The following CEP63 variants were observed in gnomAD, a reference collection of about 807,000 sequenced individuals.
CEP63 encodes centrosomal protein of 63 kDa.
Under a neutral mutation model 89.1 loss-of-function variants are expected in CEP63, and 84 were observed. The observed-to-expected ratio is 0.94, with a 90% CI of 0.79 to 1.13. The LOEUF is 1.13. CEP63 is among the 50% of genes most tolerant of loss of function. CEP63 has a pLI of 0.00. For synonymous variants in CEP63, 267 were observed against 272.5 expected (o/e 0.98, Z 0.20); for missense variants, 838 against 813.3 (o/e 1.03, Z -0.37).
intron 3 of CEP63, among the ~76,000 whole-genome samples, chr3:134,512,763 A>G (rs921451763): frequency 1.8e-4 from 27 of 152,202 alleles, no homozygotes; most frequent in African/African-American, 4.3e-4. Flanking sequence ...CTTACATACA[A>G]TTATCATCCC....
downstream of CEP63, among the ~76,000 whole-genome samples, chr3:134,592,239 GC>G (rs1958611824): frequency 6.6e-6 from 1 of 152,194 alleles, no homozygotes. Flanking sequence ...AGCTGGCTTT[GC>G]TGAGAGCAAG....
At chr3:134,549,011 T>C in intron 9 of CEP63, 51 bp from the exon 10 acceptor site, 2 of 1,083,716 alleles carry the variant, frequency 1.8e-6, no homozygotes, top group South Asian at 1.3e-5. Context: ...GTCCAATTTA[T>C]AGGTTTCAGG....
chr3:134,730,301 A>G, the CEP63 span, among the ~76,000 whole-genome samples: 4 of 152,202 alleles, frequency 2.6e-5, no homozygotes, highest in Non-Finnish European at 5.9e-5. Flanking sequence ...CTATTTGCTC[A>G]TCATAGGTAA....
chr3:134,734,014 G>T, the CEP63 span, among the ~76,000 whole-genome samples: 1 of 152,116 alleles, frequency 6.6e-6, no homozygotes, highest in South Asian at 2.1e-4. Context: ...TGTCCTTGAG[G>T]TATTAGCCAA....
chr3:134,686,001 A>G, the CEP63 span, among the ~76,000 whole-genome samples: 1 of 152,238 alleles, frequency 6.6e-6, no homozygotes, highest in Non-Finnish European at 1.5e-5. Context: ...ACTTGCTCCA[A>G]GTCAATCAGC....
the CEP63 span, among the ~76,000 whole-genome samples, chr3:134,605,591 G>A: frequency 3.3e-5 from 5 of 152,176 alleles, no homozygotes; most frequent in South Asian, 6.2e-4. Flanking sequence ...TACCTTCTTC[G>A]TGGCTGTCCC....
At chr3:134,684,759 T>C in the CEP63 span, among the ~76,000 whole-genome samples, 7 of 152,326 alleles carry the variant, frequency 4.6e-5, no homozygotes, top group Non-Finnish European at 8.8e-5. Flanking sequence ...ACCTTTGGGT[T>C]TGTATTTGGC....
the CEP63 span, among the ~76,000 whole-genome samples, chr3:134,738,982 C>G: frequency 6.8e-6 from 1 of 147,330 alleles, no homozygotes; most frequent in Non-Finnish European, 1.5e-5. Context: ...AAAAAAAAAC[C>G]CAGATAACAA....
At chr3:134,694,881 G>C in the CEP63 span, among the ~76,000 whole-genome samples, 1 of 152,346 alleles carries the variant, frequency 6.6e-6, no homozygotes, top group South Asian at 2.1e-4. Context: ...AGCGTTTGCT[G>C]TGTGGGTGTG....
the CEP63 span, among the ~76,000 whole-genome samples, chr3:134,622,296 A>G: frequency 2.0e-5 from 3 of 152,256 alleles, no homozygotes; most frequent in South Asian, 2.1e-4. Context: ...ACAATAGCCA[A>G]AAGGTTAAAA....
At chr3:134,506,613 A>G (rs1235867146) in intron 2 of CEP63, among the ~76,000 whole-genome samples, 5 of 152,220 alleles carry the variant, frequency 3.3e-5, no homozygotes, top group Non-Finnish European at 5.9e-5. Context: ...TCATCTTAAT[A>G]TGAGCATTAA....
chr3:134,737,064 G>A, the CEP63 span, among the ~76,000 whole-genome samples: 4 of 152,026 alleles, frequency 2.6e-5, no homozygotes, highest in Admixed American at 2.6e-4. Context: ...AAAAGGAAAG[G>A]CTATTCAATT....
At chr3:134,769,502 G>A in the CEP63 span, among the ~76,000 whole-genome samples, 8 of 152,214 alleles carry the variant, frequency 5.3e-5, no homozygotes, top group East Asian at 5.8e-4. Flanking sequence ...TTTCTGGGGC[G>A]AGGCTTGGAT....
rs577680749 is a variant in CEP63, at chr3:134,498,809, A to G, written c.44+3445A>G. The stretch of plus-strand genomic sequence containing the variant: ...TTTCTGTATCTGTTGAGATGATCAT[A>G]TGGTTTTTGTCTTTCATTCTGTTGA... On this transcript the variant is annotated intron_variant, in intron 2 of 14. Transcript: ENST00000675561. 6.6e-5 allele frequency among the ~76,000 whole-genome samples: 10 copies of G among 152,190 alleles called. 1 individual carries two copies. In the South Asian group the frequency reaches 2.1e-3, roughly 32 times the overall value.
intron 12 of CEP63, among the ~76,000 whole-genome samples, chr3:134,557,127 A>G (rs1030206818): frequency 2.6e-5 from 4 of 152,152 alleles, no homozygotes; most frequent in Non-Finnish European, 4.4e-5. Flanking sequence ...TATCTTAATA[A>G]TGAAAGCAAC....
At chr3:134,674,324 G>T in the CEP63 span, among the ~76,000 whole-genome samples, 1 of 152,220 alleles carries the variant, frequency 6.6e-6, no homozygotes, top group Middle Eastern at 3.4e-3. Context: ...CATATTAATA[G>T]AATAAGGACA....
At chr3:134,659,298 C>T in the CEP63 span, among the ~76,000 whole-genome samples, 3 of 152,158 alleles carry the variant, frequency 2.0e-5, no homozygotes, top group Non-Finnish European at 4.4e-5. Context: ...TTCCTCGATC[C>T]GCCCCTCTCT....
chr3:134,614,718 T>C, the CEP63 span, among the ~76,000 whole-genome samples: 3 of 152,206 alleles, frequency 2.0e-5, no homozygotes, highest in Non-Finnish European at 4.4e-5. Flanking sequence ...TCCTAGTGTA[T>C]TAATTTGGTA....
intron 1 of CEP63, among the ~76,000 whole-genome samples, chr3:134,487,185 A>G (rs1935869808): frequency 6.6e-6 from 1 of 152,208 alleles, no homozygotes; most frequent in Admixed American, 6.5e-5. Flanking sequence ...AGGAAATCAT[A>G]AGGATCGTTG....
Sources: gnomAD v4.1 joint callset for allele counts (sites outside exome capture counted in the v4.1 genomes callset) on GRCh38, gnomAD v4.1.1 for gene constraint, MANE v1.5 for transcripts, NCBI Gene and HGNC (gene_info 2026-07-23, HGNC 2026-07-21) for gene names.